The following NAALAD2 variants were observed in gnomAD, a reference collection of about 807,000 sequenced individuals.
NAALAD2 encodes the protein N-acetylated-alpha-linked acidic dipeptidase 2.
Under a neutral mutation model 95.6 loss-of-function variants are expected in NAALAD2, and 89 were observed. The observed-to-expected ratio is 0.93, with a 90% CI of 0.78 to 1.11. The LOEUF (loss-of-function observed/expected upper bound fraction) is 1.11, where lower values mean the gene tolerates loss of function less well. NAALAD2 is among the 50% of genes least tolerant of loss of function. The pLI, the probability that NAALAD2 is intolerant of heterozygous loss-of-function variation, is 0.00. For synonymous variants in NAALAD2, 264 were observed against 294.4 expected (o/e 0.90, Z 1.06); for missense variants, 894 against 872.4 (o/e 1.02, Z -0.31).
chr11:90,134,734 C>T lies in NAALAD2; in HGVS notation c.-25C>T, dbSNP rs1483191547. ...CCGAAGCTCGCGAATGTAGCAGGCG[C>T]CCCAAGCTCGGTCCTCAAGAAGCCA... On this transcript the variant is annotated 5_prime_UTR_variant, in exon 1 of 19. Coordinates refer to ENST00000534061, the MANE Select transcript of NAALAD2 (RefSeq NM_005467.4). The T allele has an allele frequency of 1.2e-6, 2 of 1,611,904 alleles. No individual in the cohort carries two copies. Among genetic ancestry groups the T allele is most frequent in the Non-Finnish European group, 1.7e-6 (2 of 1,179,054 alleles).
At chr11:90,168,722 A>T (rs948364663) in intron 11 of NAALAD2, among the ~76,000 whole-genome samples, 6 of 152,128 alleles carry the variant, frequency 3.9e-5, no homozygotes, top group African/African-American at 1.4e-4. Context: ...GCTTCATAGT[A>T]TCCTTAATTC....
chr11:90,135,078 T>C (rs1951420880), intron 1 of NAALAD2: 3 of 511,406 alleles, frequency 5.9e-6, no homozygotes. Flanking sequence ...CTGAGTTCAC[T>C]AAAGACAACC....
In NAALAD2 at chr11:90,182,974, G is replaced by A. The variant is rs1591027192; in HGVS notation, c.1999G>A (p.Asp667Asn). Residue 667 changes from aspartate to asparagine, a missense_variant, in exon 18 of 19, where the codon GAT becomes AAT. By Grantham distance (23) the Asp-to-Asn change is conservative. Coordinates refer to ENST00000534061, the MANE Select transcript of NAALAD2 (RefSeq NM_005467.4). The stretch of plus-strand genomic sequence containing the variant: ...GATGCTCCTGGAAAGAGCATTCATC[G>A]ATCCTCTTGGTTTACCAGGAAAGCT... ...QLMLLERAFI[D>N]PLGLPGKLFY... The A allele has an allele frequency of 5.0e-6, 8 of 1,612,664 alleles. No homozygotes were observed. Among genetic ancestry groups the A allele is most frequent in the East Asian group, 4.5e-5 (2 of 44,820 alleles).
intron 18 of NAALAD2, among the ~76,000 whole-genome samples, chr11:90,183,612 C>T (rs1857032234): frequency 6.6e-6 from 1 of 152,118 alleles, no homozygotes; most frequent in Non-Finnish European, 1.5e-5. Context: ...AAAGGCAATA[C>T]ACATTAAGTA....
At chr11:90,163,488 T>G in intron 10 of NAALAD2, 47 bp from the exon 11 acceptor site, 1 of 1,613,046 alleles carries the variant, frequency 6.2e-7, no homozygotes, top group Non-Finnish European at 8.5e-7. Flanking sequence ...TTTTCTTTTA[T>G]TTTTTAGGCA....
chr11:90,158,083 C>T, intron 6 of NAALAD2, 62 bp from the exon 7 acceptor site: 1 of 1,219,822 alleles, frequency 8.2e-7, no homozygotes. Context: ...TGCAAAAAAT[C>T]CCTGTATATC....
intron 13 of NAALAD2, among the ~76,000 whole-genome samples, chr11:90,171,363 A>AT (rs1445249967): frequency 6.6e-6 from 1 of 151,888 alleles, no homozygotes; most frequent in Non-Finnish European, 1.5e-5. Flanking sequence ...AACTCCTCTC[A>AT]TTTTCCTCAT....
intron 14 of NAALAD2, among the ~76,000 whole-genome samples, chr11:90,175,053 C>A (rs564422153): frequency 2.0e-4 from 31 of 152,252 alleles, no homozygotes; most frequent in African/African-American, 7.5e-4. Flanking sequence ...AGATATCTCA[C>A]TGCATATATG....
chr11:90,150,297 T>G (rs1951852514), intron 4 of NAALAD2, among the ~76,000 whole-genome samples, 185 bp from the exon 5 acceptor site: 1 of 152,116 alleles, frequency 6.6e-6, no homozygotes, highest in South Asian at 2.1e-4. Flanking sequence ...TGTCGTTTTT[T>G]AAACTTTTCA....
intron 16 of NAALAD2, 63 bp downstream of exon 16, chr11:90,178,180 T>C: frequency 6.7e-7 from 1 of 1,484,146 alleles, no homozygotes; most frequent in South Asian, 1.3e-5. Context: ...TATTATCTCC[T>C]ATGATGATCA....
In NAALAD2 at chr11:90,163,312, A is replaced by C. The variant is rs535651267; in HGVS notation, c.1078A>C (p.Arg360=). 3.1e-6 allele frequency: 5 copies of C among 1,612,280 alleles called. No homozygotes were observed. In the South Asian group the frequency reaches 5.5e-5, roughly 18 times the overall value. ...TTCTTGAACGTATTATTTTCCAGAC[A>C]GGTATGTTATTCTGGGAGGTCACCG... ...GTIRGSVEPD[R]YVILGGHRDS... Residue 360 remains arginine (R), a splice_region_variant and synonymous_variant, in exon 10 of 19, where the codon AGG becomes CGG. Transcript: ENST00000534061.
rs1156758974 is a variant in NAALAD2 at position 90,163,128 on chromosome 11, TG to T, written c.1075+96del. The T allele has an allele frequency of 1.2e-5, 14 of 1,216,178 alleles. No homozygotes were observed. The South Asian group carries it at 1.6e-4, about 14-fold the overall frequency. The allele number at this position is 1,216,178 out of a possible 1,614,324, so 75.3% of individuals were successfully genotyped here. A position where few individuals can be genotyped will look rare whatever the true frequency, so the allele number is the denominator to read the frequency against. On this transcript the variant is annotated intron_variant, in intron 9 of 18. Transcript: ENST00000534061. The stretch of plus-strand genomic sequence containing the variant: ...AGTCAACAATTGAAGTGGGGTTTTT[TG>T]GCTGATTTGAAACTACTAAATTTTG...
intron 6 of NAALAD2, 151 bp from the exon 7 acceptor site, chr11:90,157,994 C>T (rs917178610): frequency 1.7e-6 from 1 of 591,652 alleles, no homozygotes; most frequent in Non-Finnish European, 3.0e-6. Context: ...GCTGGGATGA[C>T]AGGTGTGAGC....
chr11:90,153,830 C>A (rs1446862575), intron 6 of NAALAD2, among the ~76,000 whole-genome samples: 2 of 151,974 alleles, frequency 1.3e-5, no homozygotes, highest in African/African-American at 4.8e-5. Flanking sequence ...AGTTTCAATA[C>A]CAATTTTTCT....
intron 2 of NAALAD2, among the ~76,000 whole-genome samples, chr11:90,136,735 CAG>C (rs1590950638): frequency 1.3e-5 from 2 of 152,126 alleles, no homozygotes; most frequent in East Asian, 3.8e-4. Flanking sequence ...CTGCTATGAA[CAG>C]ATGTTTACAA....
At chr11:90,159,069 T>A in intron 7 of NAALAD2, 170 bp from the exon 8 acceptor site, 1 of 607,508 alleles carries the variant, frequency 1.6e-6, no homozygotes, top group Non-Finnish European at 2.9e-6. Flanking sequence ...AGTATGGCTC[T>A]CTTGCTAGAA....
rs78959637 is a variant in NAALAD2 at position 90,173,430 on chromosome 11, T to C, written c.1411-394T>C. On this transcript the variant is annotated intron_variant, in intron 13 of 18. Transcript: ENST00000534061. ...CTTTATAGGTCTTATTAGGCAAAAA[T>C]AATTTACAAAAGCAAATGTTTTATC... 8.5e-4 allele frequency among the ~76,000 whole-genome samples: 130 copies of C among 152,274 alleles called. 3 individuals carry two copies. The East Asian group carries it at 0.024, about 28-fold the overall frequency.
At position 90,152,462 on chromosome 11, in the gene NAALAD2, C is replaced by T. The variant is rs764841434; in HGVS notation, c.774C>T (p.Leu258=). ...VLNLNGAGDP[L]TPGYPAKEYT... is the part of the protein sequence containing the mutation. ...ATTTGAATGGTGCTGGTGACCCACT[C>T]ACTCCAGGCTATCCAGCAAAAGGTA... Residue 258 remains leucine (L), a synonymous_variant, in exon 6 of 19, where the codon CTC becomes CTT. Coordinates refer to ENST00000534061, the MANE Select transcript of NAALAD2 (RefSeq NM_005467.4). The T allele has an allele frequency of 7.4e-6, 12 of 1,612,704 alleles. No individual in the cohort carries two copies. The Middle Eastern group carries it at 4.9e-4, about 66-fold the overall frequency.
chr11:90,166,182 T>A lies in NAALAD2; in HGVS notation c.1278+2565T>A, dbSNP rs918094456. On this transcript the variant is annotated intron_variant, in intron 11 of 18. Transcript: ENST00000534061. ...CACACACAGCTTTAAATGTTTTTACTATAACATATTTTAGAAAGCTAACAA... is the reference window on the plus strand; with the variant it reads ...CACACACAGCTTTAAATGTTTTTACAATAACATATTTTAGAAAGCTAACAA... 6.6e-5 allele frequency among the ~76,000 whole-genome samples: 10 copies of A among 152,352 alleles called. 1 individual carries two copies. Among genetic ancestry groups the A allele is most frequent in the Admixed American group, 3.9e-4 (6 of 15,302 alleles).
Sources: allele counts gnomAD v4.1 joint callset (sites outside exome capture counted in the v4.1 genomes callset), GRCh38; gene constraint gnomAD v4.1.1; transcripts MANE v1.5; gene names NCBI Gene and HGNC (gene_info 2026-07-23, HGNC 2026-07-21).